The following FOXP1 variants were observed in gnomAD, a reference collection of about 807,000 sequenced individuals.
FOXP1 encodes the protein forkhead box protein P1.
A neutral mutation model predicts 98.2 loss-of-function variants in FOXP1; 15 were observed. The ratio of observed to expected loss-of-function variants is 0.15; its 90% CI spans 0.10 to 0.24. FOXP1 has a LOEUF of 0.24. Among genes scored for constraint, FOXP1 ranks in the 10% least tolerant of loss-of-function variants. The pLI is 1.00. For synonymous variants in FOXP1, 371 were observed against 314.5 expected (o/e 1.18, Z -1.90); for missense variants, 633 against 848.5 (o/e 0.75, Z 3.15).
chr3:71,011,619 T>G (rs1429538199), intron 12 of FOXP1, among the ~76,000 whole-genome samples: 1 of 152,160 alleles, frequency 6.6e-6, no homozygotes, highest in Non-Finnish European at 1.5e-5. Flanking sequence ...TATTTATTTA[T>G]TTTTTTCGCT....
chr3:71,306,186 A>G (rs2074258448), intron 4 of FOXP1, among the ~76,000 whole-genome samples: 1 of 152,176 alleles, frequency 6.6e-6, no homozygotes, highest in Admixed American at 6.5e-5. Flanking sequence ...CTCTGACAGG[A>G]GACACTGCCT....
chr3:71,518,407 T>C (rs1276095616), intron 2 of FOXP1, among the ~76,000 whole-genome samples: 2 of 152,186 alleles, frequency 1.3e-5, no homozygotes, highest in African/African-American at 2.4e-5. Flanking sequence ...AAAGAATATA[T>C]AGAAAGCACT....
intron 6 of FOXP1, among the ~76,000 whole-genome samples, chr3:71,113,062 G>C (rs1434242710): frequency 3.3e-5 from 5 of 151,994 alleles, no homozygotes; most frequent in Non-Finnish European, 5.9e-5. Context: ...GACTCAAGTT[G>C]AAAGTAATAC....
At chr3:71,581,444 AGGCTCGCGCCACCCCGGCT>A in intron 2 of FOXP1, 86 bp downstream of exon 2, 4 of 985,452 alleles carry the variant, frequency 4.1e-6, no homozygotes, top group Non-Finnish European at 4.8e-6. Context: ...CCTTATCGCT[AGGCTCGCGCCACCCCGGCT>A]GGCTCTTTGG....
chr3:71,118,064 G>T (rs973681838), intron 6 of FOXP1, among the ~76,000 whole-genome samples: 1 of 152,068 alleles, frequency 6.6e-6, no homozygotes, highest in South Asian at 2.1e-4. Flanking sequence ...ATCTATGCCC[G>T]GATCTGCACA....
At chr3:71,324,350 A>G (rs1264781318) in intron 4 of FOXP1, among the ~76,000 whole-genome samples, 2 of 152,192 alleles carry the variant, frequency 1.3e-5, no homozygotes, top group African/African-American at 4.8e-5. Context: ...ACAATAGCAA[A>G]GACTTGGAAC....
chr3:70,992,996 T>A (rs545609320), intron 13 of FOXP1, among the ~76,000 whole-genome samples: 42 of 152,202 alleles, frequency 2.8e-4, no homozygotes, highest in African/African-American at 9.9e-4. Flanking sequence ...CTGTCCTGAG[T>A]ATTGCCTCAA....
intron 4 of FOXP1, among the ~76,000 whole-genome samples, chr3:71,342,553 C>T (rs1480794059): frequency 1.3e-5 from 2 of 151,944 alleles, no homozygotes; most frequent in African/African-American, 2.4e-5. Context: ...ATTAGCCGGT[C>T]GTGGTGGCAG....
intron 3 of FOXP1, among the ~76,000 whole-genome samples, chr3:71,474,435 G>A (rs1011371169): frequency 1.3e-5 from 2 of 152,158 alleles, no homozygotes; most frequent in East Asian, 3.8e-4. Context: ...GGGGTCCCCA[G>A]TCCCCGGGCC....
At chr3:71,402,354 C>A (rs940835974) in intron 3 of FOXP1, among the ~76,000 whole-genome samples, 8 of 152,212 alleles carry the variant, frequency 5.3e-5, no homozygotes, top group Admixed American at 3.3e-4. Context: ...ACTTGGGGGG[C>A]TGAAGTGGGA....
At chr3:71,198,432 G>GGGGGGGGGGGGGGGA in intron 5 of FOXP1, 40 bp from the exon 6 acceptor site, 1 of 491,028 alleles carries the variant, frequency 2.0e-6, no homozygotes. Context: ...GGGAGGGGGG[G>GGGGGGGGGGGGGGGA]AGAAAAAAAA....
intron 3 of FOXP1, among the ~76,000 whole-genome samples, chr3:71,477,445 T>C (rs2089941568): frequency 6.6e-6 from 1 of 152,246 alleles, no homozygotes; most frequent in Non-Finnish European, 1.5e-5. Context: ...TAACTCATTG[T>C]TCTCATTTCC....
At chr3:71,211,059 G>T (rs573366824) in intron 5 of FOXP1, among the ~76,000 whole-genome samples, 1 of 152,244 alleles carries the variant, frequency 6.6e-6, no homozygotes, top group South Asian at 2.1e-4. Flanking sequence ...CTAAACCTGG[G>T]CATATAATCA....
chr3:71,354,082 G>T (rs910087366), intron 4 of FOXP1, among the ~76,000 whole-genome samples: 1 of 151,078 alleles, frequency 6.6e-6, no homozygotes, highest in African/African-American at 2.4e-5. Context: ...TGAGATGAGC[G>T]GATCACAAGA....
intron 13 of FOXP1, among the ~76,000 whole-genome samples, chr3:70,990,315 C>CT (rs1042545801): frequency 2.0e-5 from 3 of 151,938 alleles, no homozygotes; most frequent in African/African-American, 2.4e-5. Context: ...TTCAGTTTTT[C>CT]TTTTTTTTAG....
chr3:71,017,139 C>A (rs903594025), intron 11 of FOXP1, among the ~76,000 whole-genome samples: 1 of 152,022 alleles, frequency 6.6e-6, no homozygotes, highest in Non-Finnish European at 1.5e-5. Flanking sequence ...TGAAGCCAAA[C>A]AATAAAAGGA....
chr3:71,378,574 G>T lies in FOXP1; in HGVS notation c.-167-19330C>A, dbSNP rs2079907044. 2.0e-5 allele frequency among the ~76,000 whole-genome samples: 3 copies of T among 152,220 alleles called. No homozygotes were observed. In the South Asian group the frequency reaches 6.2e-4, roughly 32 times the overall value. On this transcript the variant is annotated intron_variant, in intron 3 of 20. Transcript: ENST00000649528. ...CACTTAGTAGCCATATTGGTTGTCA[G>T]ATCAACTATAATCATATCCCAGAGC...
intron 14 of FOXP1, among the ~76,000 whole-genome samples, chr3:70,981,191 CAAAAAAAAAAAAAAA>C (rs71104406): frequency 2.0e-4 from 12 of 59,954 alleles, no homozygotes; most frequent in Non-Finnish European, 3.5e-4. Context: ...CTCTTTCTAC[CAAAAAAAAAAAAAAA>C]AAAAAAAAAA....
At chr3:71,082,894 T>C (rs2054603826) in intron 7 of FOXP1, among the ~76,000 whole-genome samples, 1 of 152,206 alleles carries the variant, frequency 6.6e-6, no homozygotes, top group Non-Finnish European at 1.5e-5. Flanking sequence ...AGCAATATGA[T>C]ATGGCTCACC....
Sources: gnomAD v4.1 joint callset for allele counts (sites outside exome capture counted in the v4.1 genomes callset) on GRCh38, gnomAD v4.1.1 for gene constraint, MANE v1.5 for transcripts, NCBI Gene and HGNC (gene_info 2026-07-23, HGNC 2026-07-21) for gene names.